LRRK1: variants seen among roughly 807,000 people sequenced by gnomAD.
The protein encoded by LRRK1 is leucine rich repeat kinase 1.
Under a neutral mutation model 209.1 loss-of-function variants are expected in LRRK1, and 113 were observed. That is an observed-to-expected ratio of 0.54 (90% CI 0.46 to 0.63). The LOEUF (loss-of-function observed/expected upper bound fraction) is 0.63. Among genes scored for constraint, LRRK1 ranks in the 30% least tolerant of loss-of-function variants. The pLI, the probability that LRRK1 is intolerant of heterozygous loss-of-function variation, is 0.00. For missense variants in LRRK1, 2,284 were observed against 2,632.2 expected (o/e 0.87, Z 2.89); for synonymous variants, 1,144 against 1,099.7 (o/e 1.04, Z -0.80).
intron 21 of LRRK1, among the ~76,000 whole-genome samples, chr15:101,047,905 C>T (rs375282922): frequency 6.6e-6 from 1 of 152,110 alleles, no homozygotes; most frequent in East Asian, 1.9e-4. Flanking sequence ...TTTGAGGGAG[C>T]AAAAGATTGG....
chr15:100,988,525 C>T (rs751385639), intron 4 of LRRK1, 109 bp from the exon 5 acceptor site: 13 of 989,704 alleles, frequency 1.3e-5, no homozygotes, highest in Non-Finnish European at 2.1e-5. Context: ...AAATGTACCA[C>T]ATTTTATTTA....
At chr15:101,004,524 G>T (rs868198789) in intron 6 of LRRK1, among the ~76,000 whole-genome samples, 3 of 152,216 alleles carry the variant, frequency 2.0e-5, no homozygotes, top group Admixed American at 6.5e-5. Context: ...CAGCCAGGCA[G>T]GGCTCTGCAC....
chr15:101,041,984 G>GA (rs1274234777), intron 20 of LRRK1, among the ~76,000 whole-genome samples: 110 of 150,602 alleles, frequency 7.3e-4, no homozygotes, highest in African/African-American at 2.6e-3. Flanking sequence ...TTGAAACCAT[G>GA]AAAAAGAAAC....
At chr15:100,988,856 C>T (rs747682082) in intron 5 of LRRK1, 43 bp downstream of exon 5, 1 of 1,474,952 alleles carries the variant, frequency 6.8e-7, no homozygotes, top group Admixed American at 2.0e-5. Context: ...ACCGTGCAAA[C>T]CATCTCAGCC....
At chr15:101,058,645 G>T in intron 29 of LRRK1, among the ~76,000 whole-genome samples, 1 of 140,122 alleles carries the variant, frequency 7.1e-6, no homozygotes, top group African/African-American at 2.7e-5. Context: ...CAGAGTTGGG[G>T]TTTTGCCAAA....
intron 10 of LRRK1, among the ~76,000 whole-genome samples, chr15:101,013,890 AC>A (rs1224131647): frequency 2.0e-5 from 3 of 151,990 alleles, no homozygotes; most frequent in Admixed American, 1.3e-4. Flanking sequence ...CCAGGAGGCC[AC>A]CCACCAGGAG....
chr15:100,925,592 G>A (rs1045114694), intron 2 of LRRK1, among the ~76,000 whole-genome samples: 6 of 152,160 alleles, frequency 3.9e-5, no homozygotes, highest in East Asian at 1.9e-4. Flanking sequence ...CTCTTGGCAC[G>A]TATTTTGCCA....
At chr15:101,008,240 T>G (rs2033063907) in intron 6 of LRRK1, among the ~76,000 whole-genome samples, 1 of 151,000 alleles carries the variant, frequency 6.6e-6, no homozygotes, top group Non-Finnish European at 1.5e-5. Flanking sequence ...GAGGTTGGTT[T>G]CCTAGGCAGG....
chr15:100,971,333 C>A (rs1279647334), intron 2 of LRRK1, among the ~76,000 whole-genome samples: 21 of 118,546 alleles, frequency 1.8e-4, no homozygotes, highest in South Asian at 2.8e-4. Flanking sequence ...AACTGTGTCT[C>A]AAAAAAAAAA....
At chr15:101,007,199 A>G (rs879265137) in intron 6 of LRRK1, among the ~76,000 whole-genome samples, 1 of 152,188 alleles carries the variant, frequency 6.6e-6, no homozygotes, top group Non-Finnish European at 1.5e-5. Flanking sequence ...TGAGGAATTC[A>G]TCCCACGTTA....
Position 101,065,059 on chromosome 15 carries a change from G to A in LRRK1, c.4915-293G>A, listed in dbSNP as rs1029835363. On this transcript the variant is annotated intron_variant, in intron 31 of 33. Coordinates refer to ENST00000388948, the MANE Select transcript of LRRK1 (RefSeq NM_024652.6). Reference sequence around the variant, plus strand: ...CTGCAAGAAGCTGGCAGAAGCAGAGGCAGCCCATGTGGTCCAGGTGACACG... The same window carrying A: ...CTGCAAGAAGCTGGCAGAAGCAGAGACAGCCCATGTGGTCCAGGTGACACG... 2.1e-4 allele frequency: 93 copies of A among 450,566 alleles called. 1 individual carries two copies. The highest frequency in any genetic ancestry group is 5.9e-4 in the Admixed American group (15 of 25,550). The allele number at this position is 450,566 out of a possible 1,614,324, so 27.9% of individuals were successfully genotyped here.
At chr15:100,981,922 G>A (rs895937413) in intron 3 of LRRK1, among the ~76,000 whole-genome samples, 1 of 152,236 alleles carries the variant, frequency 6.6e-6, no homozygotes, top group Admixed American at 6.5e-5. Context: ...AAATGTGCTT[G>A]TCGGGGGCTG....
chr15:100,984,402 G>A (rs1054775285), intron 4 of LRRK1, among the ~76,000 whole-genome samples: 4 of 152,100 alleles, frequency 2.6e-5, no homozygotes, highest in African/African-American at 4.8e-5. Context: ...ATAATGACAC[G>A]TGTCCATCAT....
At chr15:100,970,759 G>A (rs1350377897) in intron 2 of LRRK1, among the ~76,000 whole-genome samples, 2 of 152,122 alleles carry the variant, frequency 1.3e-5, no homozygotes, top group African/African-American at 4.8e-5. Context: ...TGAATCTATA[G>A]ATAAAATCAA....
At chr15:100,960,827 T>C (rs781491904) in intron 2 of LRRK1, among the ~76,000 whole-genome samples, 2 of 152,228 alleles carry the variant, frequency 1.3e-5, no homozygotes, top group Non-Finnish European at 2.9e-5. Flanking sequence ...CATAGCTTTG[T>C]ATTTCTGTGT....
intron 2 of LRRK1, among the ~76,000 whole-genome samples, chr15:100,946,639 T>C (rs12441899): frequency 0.16 from 23,952 of 152,176 alleles, 2,234 homozygotes; most frequent in East Asian, 0.45. Flanking sequence ...ATTTGGGCGA[T>C]TCCTAATATG....
Position 101,065,427 on chromosome 15 carries a change from G to T in LRRK1, c.4990G>T (p.Asp1664Tyr). Reference sequence around the variant, plus strand: ...TCCCGTGGTGCGGGGCACCCCAAAGGACAGCTGCTCCTACCTGTGCTCACA... The same window carrying T: ...TCCCGTGGTGCGGGGCACCCCAAAGTACAGCTGCTCCTACCTGTGCTCACA... ...VFPVVRGTPK[D>Y]SCSYLCSHTA... The change falls in exon 32 of 34, where the codon GAC (aspartate) becomes TAC (tyrosine). Residue 1664 changes from aspartate (D) to tyrosine (Y), a missense_variant. This residue lies in a region of LRRK1 where 643 missense variants were observed against 695.9 expected (regional missense o/e 0.92). Coordinates refer to ENST00000388948, the MANE Select transcript of LRRK1 (RefSeq NM_024652.6). 7 of 1,614,174 alleles carry T rather than the reference G, an allele frequency of 4.3e-6. No individual in the cohort carries two copies. Among genetic ancestry groups the T allele is most frequent in the Non-Finnish European group, 5.9e-6 (7 of 1,180,046 alleles).
chr15:101,052,455 T>A (rs545677751), intron 24 of LRRK1, among the ~76,000 whole-genome samples: 28 of 151,768 alleles, frequency 1.8e-4, no homozygotes, highest in African/African-American at 5.3e-4. Context: ...GAGCCTCGTT[T>A]ACCTTCTTTG....
rs1279796439 is a variant in LRRK1, at chr15:101,073,125, C to T, written c.*4277C>T. 6.3e-6 allele frequency: 1 copy of T among 158,348 alleles called. No individual in the cohort carries two copies. Among genetic ancestry groups the T allele is most frequent in the Non-Finnish European group, 1.4e-5 (1 of 72,660 alleles). 9.8% of individuals were successfully genotyped at this position (158,348 alleles called of 1,614,324 possible). A position where few individuals can be genotyped will look rare whatever the true frequency, so the allele number is the denominator to read the frequency against. On this transcript the variant is annotated 3_prime_UTR_variant, in exon 34 of 34. Transcript: ENST00000388948. ...TTTTACTCTCTTCTCCAACCTCCCT[C>T]ACTATCCCTCAACCTCTTTCTCCTT...
Sources: allele counts gnomAD v4.1 joint callset (sites outside exome capture counted in the v4.1 genomes callset), GRCh38; gene constraint gnomAD v4.1.1; regional missense constraint gnomAD v4.1.1; transcripts MANE v1.5; gene names NCBI Gene and HGNC (gene_info 2026-07-23, HGNC 2026-07-21).